SYT1: variants seen among roughly 807,000 people sequenced by gnomAD.
SYT1 encodes synaptotagmin 1, also known as synaptotagmin-1.
SYT1 carries 8 observed loss-of-function variants against 44.8 expected under a neutral mutation model. The ratio of observed to expected loss-of-function variants is 0.18; its 90% CI spans 0.10 to 0.32. The LOEUF (loss-of-function observed/expected upper bound fraction) is 0.32. Among genes scored for constraint, SYT1 ranks in the 10% least tolerant of loss-of-function variants. The pLI is 1.00. For synonymous variants in SYT1, 154 were observed against 188.8 expected (o/e 0.82, Z 1.51); for missense variants, 286 against 509.3 (o/e 0.56, Z 4.22).
At chr12:79,378,067 T>C (rs970609487) in intron 9 of SYT1, among the ~76,000 whole-genome samples, 1 of 152,226 alleles carries the variant, frequency 6.6e-6, no homozygotes, top group African/African-American at 2.4e-5. Flanking sequence ...TACTATCTAA[T>C]TCTTAAAGCT....
chr12:78,986,364 C>A (rs929790917), intron 2 of SYT1, among the ~76,000 whole-genome samples: 1 of 151,634 alleles, frequency 6.6e-6, no homozygotes, highest in Admixed American at 6.6e-5. Flanking sequence ...TGTTTTTCCC[C>A]AAATTATTTT....
intron 9 of SYT1, chr12:79,419,173 C>T (rs1035511571): frequency 2.2e-6 from 1 of 450,590 alleles, no homozygotes. Flanking sequence ...ACTAATGATT[C>T]TATAAGAATT....
At chr12:79,026,702 T>TATATATAAAAAA (rs34140383) in intron 2 of SYT1, among the ~76,000 whole-genome samples, 71 of 125,302 alleles carry the variant, frequency 5.7e-4, no homozygotes, top group African/African-American at 1.9e-3. Flanking sequence ...TATATATATA[T>TATATATAAAAAA]CACACTTTCA....
At chr12:78,968,796 G>A (rs1352507077) in intron 1 of SYT1, among the ~76,000 whole-genome samples, 1 of 152,080 alleles carries the variant, frequency 6.6e-6, no homozygotes, top group East Asian at 1.9e-4. Flanking sequence ...TCTAAGCTCA[G>A]GCATGAAAAA....
intron 9 of SYT1, among the ~76,000 whole-genome samples, chr12:79,369,311 GTC>G (rs1359395835): frequency 4.6e-5 from 7 of 152,034 alleles, no homozygotes; most frequent in Non-Finnish European, 7.4e-5. Flanking sequence ...GTGAAACCCT[GTC>G]TCTACAAAAA....
chr12:79,011,316 C>T (rs144065102), intron 2 of SYT1, among the ~76,000 whole-genome samples: 198 of 152,048 alleles, frequency 1.3e-3, no homozygotes, highest in Non-Finnish European at 2.6e-3. Context: ...GTTTACATAC[C>T]AGCTTAGAAG....
chr12:79,013,186 A>AT (rs1377192434), intron 2 of SYT1, among the ~76,000 whole-genome samples: 1 of 151,900 alleles, frequency 6.6e-6, no homozygotes, highest in African/African-American at 2.4e-5. Context: ...TCATGAGTTT[A>AT]TTTGCTTAAT....
chr12:79,302,639 C>T (rs1054963829), intron 8 of SYT1, among the ~76,000 whole-genome samples: 5 of 152,090 alleles, frequency 3.3e-5, no homozygotes, highest in East Asian at 1.9e-4. Flanking sequence ...TCCCACTATT[C>T]GATTCTATCC....
At chr12:78,969,227 C>T (rs551352244) in intron 1 of SYT1, among the ~76,000 whole-genome samples, 1 of 152,110 alleles carries the variant, frequency 6.6e-6, no homozygotes, top group Admixed American at 6.6e-5. Context: ...AATACTACAA[C>T]ATTTTATATC....
At chr12:79,342,296 A>G (rs773663327) in intron 8 of SYT1, among the ~76,000 whole-genome samples, 2 of 152,100 alleles carry the variant, frequency 1.3e-5, no homozygotes, top group African/African-American at 2.4e-5. Context: ...CAGTGCCACA[A>G]TCATAGCTCA....
intron 3 of SYT1, among the ~76,000 whole-genome samples, chr12:79,076,747 G>T (rs1876682517): frequency 6.6e-6 from 1 of 152,048 alleles, no homozygotes; most frequent in Non-Finnish European, 1.5e-5. Flanking sequence ...AGGATTTTGG[G>T]ATCACGAGGT....
At chr12:79,019,354 A>T (rs763645990) in intron 2 of SYT1, among the ~76,000 whole-genome samples, 1 of 152,068 alleles carries the variant, frequency 6.6e-6, no homozygotes, top group African/African-American at 2.4e-5. Flanking sequence ...AAATTAAGTT[A>T]CTCATGAGAT....
intron 8 of SYT1, among the ~76,000 whole-genome samples, chr12:79,307,156 G>A (rs1025824891): frequency 6.6e-6 from 1 of 152,098 alleles, no homozygotes; most frequent in African/African-American, 2.4e-5. Flanking sequence ...ATTACAATCT[G>A]TTACTCTGCA....
intron 1 of SYT1, among the ~76,000 whole-genome samples, chr12:78,885,024 G>A (rs1874654822): frequency 1.3e-5 from 2 of 151,900 alleles, no homozygotes; most frequent in African/African-American, 4.8e-5. Flanking sequence ...GAGGCACAGA[G>A]AAATGATACT....
chr12:78,935,301 C>G (rs1430012000), intron 1 of SYT1, among the ~76,000 whole-genome samples: 3 of 152,254 alleles, frequency 2.0e-5, no homozygotes, highest in African/African-American at 7.2e-5. Flanking sequence ...AGTTCTGGGT[C>G]TCGTTGTTTC....
intron 3 of SYT1, among the ~76,000 whole-genome samples, chr12:79,103,586 A>T (rs1486457984): frequency 6.6e-6 from 1 of 152,056 alleles, no homozygotes; most frequent in African/African-American, 2.4e-5. Context: ...AGGGTATTCA[A>T]AAAGTTTTAA....
chr12:79,024,270 C>A (rs1872382566), intron 2 of SYT1, among the ~76,000 whole-genome samples: 1 of 151,810 alleles, frequency 6.6e-6, no homozygotes, highest in East Asian at 2.0e-4. Flanking sequence ...CAGCAAGCAG[C>A]AAGGCAAATT....
intron 1 of SYT1, among the ~76,000 whole-genome samples, chr12:78,968,967 T>C (rs1050883730): frequency 6.6e-6 from 1 of 152,182 alleles, no homozygotes; most frequent in Non-Finnish European, 1.5e-5. Flanking sequence ...TATAATCATG[T>C]AGTGATAAGT....
chr12:79,442,990 G>A (rs1385222963), intron 9 of SYT1, among the ~76,000 whole-genome samples: 1 of 152,100 alleles, frequency 6.6e-6, no homozygotes, highest in East Asian at 1.9e-4. Context: ...AAGAAAAACA[G>A]TAGAGATTTT....
Sources: allele counts gnomAD v4.1 joint callset (sites outside exome capture counted in the v4.1 genomes callset), GRCh38; gene constraint gnomAD v4.1.1; transcripts MANE v1.5; gene names NCBI Gene and HGNC (gene_info 2026-07-23, HGNC 2026-07-21).